ACSF3: variants seen among roughly 807,000 people sequenced by gnomAD.
ACSF3 encodes acyl-CoA synthetase family member 3, also known as malonate--CoA ligase ACSF3, mitochondrial.
A neutral mutation model predicts 53.2 loss-of-function variants in ACSF3; 78 were observed. That is an observed-to-expected ratio of 1.47 (90% CI 1.22 to 1.77). The LOEUF is 1.77. Among genes scored for constraint, ACSF3 ranks in the 40% most tolerant of loss-of-function variants. The pLI, the probability that ACSF3 is intolerant of heterozygous loss-of-function variation, is 0.00. For missense variants in ACSF3, 937 were observed against 771.1 expected, an observed-to-expected ratio of 1.22 and a Z score of -2.55; for synonymous variants, 414 against 333.1, an observed-to-expected ratio of 1.24 and a Z score of -2.65.
intron 4 of ACSF3, among the ~76,000 whole-genome samples, chr16:89,104,511 T>A (rs1975736313): frequency 6.6e-6 from 1 of 152,226 alleles, no homozygotes; most frequent in Non-Finnish European, 1.5e-5. Flanking sequence ...TGTGTGGAGC[T>A]CTGAGGCCTC....
chr16:89,136,662 C>T (rs888323017), intron 8 of ACSF3: 7 of 1,287,092 alleles, frequency 5.4e-6, no homozygotes, highest in African/African-American at 4.6e-5. Flanking sequence ...CAACGGCCTC[C>T]TCCGGGTCAG....
chr16:89,095,542 C>T (rs1159962307), intron 1 of ACSF3, among the ~76,000 whole-genome samples: 1 of 143,482 alleles, frequency 7.0e-6, no homozygotes, highest in Non-Finnish European at 1.5e-5. Flanking sequence ...CTGCCCCACG[C>T]TCTCATCGGG....
chr16:89,100,481 C>T (rs560098777), intron 2 of ACSF3, 181 bp from the exon 3 acceptor site: 11 of 627,776 alleles, frequency 1.8e-5, no homozygotes, highest in East Asian at 8.2e-5. Flanking sequence ...TGGGCACGTA[C>T]GGAACGTTCC....
chr16:89,127,243 A>G (rs1249195192), intron 7 of ACSF3, among the ~76,000 whole-genome samples: 1 of 151,854 alleles, frequency 6.6e-6, no homozygotes, highest in Non-Finnish European at 1.5e-5. Context: ...TGAGTTGGGA[A>G]GTGTTCTCTC....
Position 89,154,201 on chromosome 16 carries a change from C to T in ACSF3, c.1725C>T (p.Pro575=), listed in dbSNP as rs373741441. 4.3e-6 allele frequency: 7 copies of T among 1,613,264 alleles called. No individual in the cohort carries two copies. The African/African-American group carries it at 6.7e-5, about 15-fold the overall frequency. The change falls in exon 11 of 11, where the codon CCC becomes CCT. Residue 575 remains proline, a synonymous_variant. Transcript: ENST00000614302. ...AGGCGCTCATCAGGCACTTCCACCC[C>T]TCATGACCCGGCAGACTGGGACTGC... The part of the protein sequence containing the change: ...DKKALIRHFH[P]S
intron 4 of ACSF3, among the ~76,000 whole-genome samples, chr16:89,108,229 A>G (rs977621327): frequency 1.3e-5 from 2 of 152,166 alleles, no homozygotes; most frequent in African/African-American, 4.8e-5. Context: ...CCATCAAACC[A>G]TATCAGGAGT....
chr16:89,110,058 A>C (rs530324365), intron 4 of ACSF3, among the ~76,000 whole-genome samples: 2 of 152,258 alleles, frequency 1.3e-5, no homozygotes, highest in Admixed American at 6.5e-5. Flanking sequence ...TATTTCCTCC[A>C]ACTGCAGCTT....
At chr16:89,122,354 A>G (rs1425066394) in intron 7 of ACSF3, 4 of 406,762 alleles carry the variant, frequency 9.8e-6, no homozygotes. Flanking sequence ...TGCTATACCC[A>G]CCTCCCCTGC....
At position 89,156,011 on chromosome 16, in the gene ACSF3, C is replaced by G. The variant is rs1018020530; in HGVS notation, c.*1804C>G. Reference sequence around the variant, plus strand: ...GGAGCTCGTTGACCAGCCGGTTGACCAGAATACGGTGCTCCAAGGACATGC... The same window carrying G: ...GGAGCTCGTTGACCAGCCGGTTGACGAGAATACGGTGCTCCAAGGACATGC... On this transcript the variant is annotated 3_prime_UTR_variant, in exon 11 of 11. Transcript: ENST00000614302. 6.6e-6 allele frequency among the ~76,000 whole-genome samples: 1 copy of G among 152,188 alleles called. No homozygotes were observed.
intron 7 of ACSF3, among the ~76,000 whole-genome samples, chr16:89,127,943 T>G (rs1908478208): frequency 6.6e-6 from 1 of 152,190 alleles, no homozygotes; most frequent in Admixed American, 6.5e-5. Flanking sequence ...ATGTTGGTAA[T>G]TTGTGTCTTC....
chr16:89,112,303 A>G, intron 5 of ACSF3, 57 bp downstream of exon 5: 2 of 1,596,350 alleles, frequency 1.3e-6, no homozygotes, highest in Non-Finnish European at 1.7e-6. Flanking sequence ...AACAGATACG[A>G]CTTATTTCTA....
intron 4 of ACSF3, among the ~76,000 whole-genome samples, chr16:89,108,484 C>T (rs780152500): frequency 8.5e-5 from 13 of 152,188 alleles, no homozygotes; most frequent in Non-Finnish European, 1.5e-4. Flanking sequence ...GTTCACACAC[C>T]GCAAAATTCA....
At chr16:89,111,483 C>T (rs966365387) in intron 4 of ACSF3, among the ~76,000 whole-genome samples, 1 of 152,248 alleles carries the variant, frequency 6.6e-6, no homozygotes, top group African/African-American at 2.4e-5. Flanking sequence ...CTCCTCCCTC[C>T]GCCACACCCT....
chr16:89,102,301 G>T (rs1344419719), intron 3 of ACSF3: 8 of 445,630 alleles, frequency 1.8e-5, no homozygotes, highest in Non-Finnish European at 2.9e-5. Context: ...GCTTGGGCAG[G>T]GGCGGAGCTC....
At chr16:89,095,304 G>A (rs573355143) in intron 1 of ACSF3, 1 of 139,452 alleles carries the variant, frequency 7.2e-6, no homozygotes, top group East Asian at 1.9e-4. Flanking sequence ...TGGGATAGTT[G>A]TAAGTGTCAC....
At chr16:89,115,081 C>T (rs543474248) in intron 6 of ACSF3, 2 of 210,912 alleles carry the variant, frequency 9.5e-6, no homozygotes, top group African/African-American at 4.6e-5. Context: ...GAACAGAGCC[C>T]ACAGCTGGGG....
At chr16:89,113,399 T>G (rs1904398422) in intron 5 of ACSF3, 1 of 152,358 alleles carries the variant, frequency 6.6e-6, no homozygotes, top group Non-Finnish European at 1.5e-5. Flanking sequence ...CCCTTTTCTG[T>G]GAGGCCACCG....
rs1914664789 is a variant in ACSF3 at position 89,155,976 on chromosome 16, C to G, written c.*1769C>G. 1 of 361,336 alleles carries G rather than the reference C, an allele frequency of 2.8e-6. No homozygotes were observed. The highest frequency in any genetic ancestry group is 2.1e-5 in the African/African-American group (1 of 46,806). The allele number at this position is 361,336 out of a possible 1,614,324, so 22.4% of individuals were successfully genotyped here. ...CCTGGAGCTCGTTGACCACAAACTA[C>G]AGAAAGCCTGGAGCTCGTTGACCAG... On this transcript the variant is annotated 3_prime_UTR_variant, in exon 11 of 11. Transcript: ENST00000614302.
chr16:89,142,236 A>G (rs1316578889), intron 8 of ACSF3, among the ~76,000 whole-genome samples: 1 of 152,122 alleles, frequency 6.6e-6, no homozygotes, highest in Non-Finnish European at 1.5e-5. Context: ...ACAACTCCCC[A>G]AGCTGCCCCC....
Sources: gnomAD v4.1 joint callset for allele counts (sites outside exome capture counted in the v4.1 genomes callset) on GRCh38, gnomAD v4.1.1 for gene constraint, MANE v1.5 for transcripts, NCBI Gene and HGNC (gene_info 2026-07-23, HGNC 2026-07-21) for gene names.